The following MRPL48 variants were observed in gnomAD, a reference collection of about 807,000 sequenced individuals.
MRPL48 encodes the protein mitochondrial ribosomal protein L48.
A neutral mutation model predicts 32.9 loss-of-function variants in MRPL48; 16 were observed. The observed-to-expected ratio is 0.49, with a 90% CI of 0.33 to 0.74. MRPL48 has a LOEUF of 0.74. MRPL48 is among the 30% of genes least tolerant of loss of function. The pLI, the probability that MRPL48 is intolerant of heterozygous loss-of-function variation, is 0.02. For synonymous variants in MRPL48, 94 were observed against 89.2 expected, an observed-to-expected ratio of 1.05 and a Z score of -0.31; for missense variants, 206 against 245.3, an observed-to-expected ratio of 0.84 and a Z score of 1.07.
At chr11:73,858,806 C>T (rs1455215479) in intron 5 of MRPL48, among the ~76,000 whole-genome samples, 1 of 152,140 alleles carries the variant, frequency 6.6e-6, no homozygotes, top group Non-Finnish European at 1.5e-5. Flanking sequence ...TGATAATAGG[C>T]CTAGATGGTT....
At chr11:73,803,912 T>TTATTTTTA (rs1338502796) in intron 1 of MRPL48, among the ~76,000 whole-genome samples, 1 of 152,058 alleles carries the variant, frequency 6.6e-6, no homozygotes, top group Non-Finnish European at 1.5e-5. Flanking sequence ...TTTTTTAATT[T>TTATTTTTA]TATTTTTATA....
At chr11:73,825,300 G>GTGTGTGTGTA (rs1947866600) in intron 3 of MRPL48, among the ~76,000 whole-genome samples, 1 of 151,036 alleles carries the variant, frequency 6.6e-6, no homozygotes. Flanking sequence ...GTGTGTGTGT[G>GTGTGTGTGTA]TGTGTGTGTG....
chr11:73,789,106 A>G lies in MRPL48; in HGVS notation c.21+1114A>G, dbSNP rs544335969. Among the ~76,000 whole-genome samples, 26 of 152,320 alleles carry G rather than the reference A, an allele frequency of 1.7e-4. No homozygotes were observed. The South Asian group carries it at 5.0e-3, about 29-fold the overall frequency. On this transcript the variant is annotated intron_variant, in intron 1 of 7. Transcript: ENST00000310614. ...CGCCTCACTTCATCCTTTATGAAACAATTCACTTGTTCACCTTAGCCAGTT... is the reference window on the plus strand; with the variant it reads ...CGCCTCACTTCATCCTTTATGAAACGATTCACTTGTTCACCTTAGCCAGTT...
intron 3 of MRPL48, among the ~76,000 whole-genome samples, chr11:73,817,367 AAGT>A (rs1413118771): frequency 6.6e-6 from 1 of 152,174 alleles, no homozygotes; most frequent in Non-Finnish European, 1.5e-5. Context: ...ACATTTCTGA[AAGT>A]AGAACTATTG....
Position 73,816,349 on chromosome 11 carries a change from C to T in MRPL48, c.112+7999C>T, listed in dbSNP as rs909396915. On this transcript the variant is annotated intron_variant, in intron 3 of 7. Transcript: ENST00000310614. ...GTGCTGGGATACAGGCGTGAGCCAC[C>T]GTGCCCGGCCGGAACTACTTTTTAA... Among the ~76,000 whole-genome samples, 10 of 151,800 alleles carry T rather than the reference C, an allele frequency of 6.6e-5. No homozygotes were observed. The South Asian group carries it at 1.2e-3, about 19-fold the overall frequency.
In MRPL48 at chr11:73,825,692, A is replaced by AT; in HGVS notation, c.113-12dup. 2 of 1,548,104 alleles carry AT rather than the reference A, an allele frequency of 1.3e-6. No homozygotes were observed. Among genetic ancestry groups the AT allele is most frequent in the South Asian group, 2.4e-5 (2 of 83,768 alleles). ...AACAACAAAAAAACAGGTTTGTCTT[A>AT]TTTTCTCTCTTTTAGGTGGAATTCT... On this transcript the variant is annotated splice_polypyrimidine_tract_variant and intron_variant, in intron 3 of 7. Coordinates refer to ENST00000310614, the MANE Select transcript of MRPL48 (RefSeq NM_016055.6).
At chr11:73,828,802 C>T (rs1432025624) in intron 4 of MRPL48, among the ~76,000 whole-genome samples, 2 of 150,488 alleles carry the variant, frequency 1.3e-5, no homozygotes, top group African/African-American at 4.9e-5. Context: ...TTGCTGACAC[C>T]ATTACAAAAA....
chr11:73,817,595 T>G (rs562654513), intron 3 of MRPL48, among the ~76,000 whole-genome samples: 59 of 152,200 alleles, frequency 3.9e-4, no homozygotes, highest in Non-Finnish European at 6.6e-4. Flanking sequence ...ACTAGTTGGT[T>G]GAACATATTT....
rs762808983 is a variant in MRPL48, at chr11:73,860,013, G to C, written c.474+4G>C. On this transcript the variant is annotated splice_donor_region_variant and intron_variant, in intron 6 of 7. Transcript: ENST00000310614. ...CACCCATGAGCGAGTGGTTCAGGTA[G>C]GCACTCCAGGAGAATAAAAAATGTA... 8.7e-6 allele frequency: 14 copies of C among 1,610,988 alleles called. No homozygotes were observed. The highest frequency in any genetic ancestry group is 1.1e-5 in the Non-Finnish European group (13 of 1,178,314).
chr11:73,862,410 G>A (rs964430379), intron 6 of MRPL48, among the ~76,000 whole-genome samples: 1 of 150,582 alleles, frequency 6.6e-6, no homozygotes, highest in African/African-American at 2.4e-5. Context: ...CAACAAGAGC[G>A]AAACTCCATC....
intron 1 of MRPL48, among the ~76,000 whole-genome samples, chr11:73,797,273 C>T (rs1195246230): frequency 3.3e-5 from 5 of 152,194 alleles, no homozygotes; most frequent in East Asian, 3.8e-4. Context: ...GTCTTGCTCA[C>T]CCTCCGCTTG....
intron 5 of MRPL48, among the ~76,000 whole-genome samples, chr11:73,855,953 T>C (rs996692637): frequency 5.3e-5 from 8 of 152,318 alleles, no homozygotes; most frequent in African/African-American, 1.9e-4. Context: ...ACTTGACTAT[T>C]ATTGGTCTTT....
chr11:73,831,940 C>CAAAAAAAAAAA (rs4019304), intron 4 of MRPL48, among the ~76,000 whole-genome samples: 1 of 67,108 alleles, frequency 1.5e-5, no homozygotes, highest in Non-Finnish European at 2.6e-5. Flanking sequence ...AACTCTGTCT[C>CAAAAAAAAAAA]AAAAAAAAAA....
intron 3 of MRPL48, 52 bp from the exon 4 acceptor site, chr11:73,825,656 A>G (rs1947873800): frequency 1.3e-6 from 2 of 1,484,608 alleles, no homozygotes; most frequent in Non-Finnish European, 1.8e-6. Flanking sequence ...TTAAAAAACA[A>G]CGATAATAGC....
chr11:73,848,482 G>A (rs1328281034), intron 5 of MRPL48, among the ~76,000 whole-genome samples: 3 of 81,722 alleles, frequency 3.7e-5, no homozygotes, highest in Middle Eastern at 6.5e-3. Context: ...AAAAGAGTCC[G>A]ATGGGATTTT....
At chr11:73,859,603 C>T (rs1948548114) in intron 5 of MRPL48, among the ~76,000 whole-genome samples, 2 of 152,072 alleles carry the variant, frequency 1.3e-5, no homozygotes, top group African/African-American at 2.4e-5. Flanking sequence ...TAGAATGGGC[C>T]ATTCTTCAGT....
In MRPL48 at chr11:73,788,050, G is replaced by C. The variant is rs1947074451; in HGVS notation, c.21+58G>C. The C allele has an allele frequency of 3.1e-6, 5 of 1,603,124 alleles. No homozygotes were observed. In the African/African-American group the frequency reaches 6.7e-5, roughly 21 times the overall value. ...GAGATGGCGGACGGTGCAGAGAGGGGAGATGGCGGAGGGTGCAGAGCGGGG... is the reference window on the plus strand; with the variant it reads ...GAGATGGCGGACGGTGCAGAGAGGGCAGATGGCGGAGGGTGCAGAGCGGGG... On this transcript the variant is annotated intron_variant, in intron 1 of 7. Transcript: ENST00000310614.
chr11:73,815,306 C>T (rs1473457707), intron 3 of MRPL48, among the ~76,000 whole-genome samples: 1 of 150,386 alleles, frequency 6.6e-6, no homozygotes, highest in African/African-American at 2.4e-5. Flanking sequence ...TCCAGTTGCT[C>T]AGGAGGCTGA....
intron 4 of MRPL48, among the ~76,000 whole-genome samples, chr11:73,844,304 G>A (rs920441720): frequency 2.6e-5 from 4 of 151,538 alleles, no homozygotes; most frequent in Admixed American, 2.0e-4. Flanking sequence ...GGTGGGGTGC[G>A]CCTGTCGTCC....
Sources: allele counts gnomAD v4.1 joint callset (sites outside exome capture counted in the v4.1 genomes callset), GRCh38; gene constraint gnomAD v4.1.1; transcripts MANE v1.5; gene names NCBI Gene and HGNC (gene_info 2026-07-23, HGNC 2026-07-21).